ZNF451: variants seen among roughly 807,000 people sequenced by gnomAD.
The protein encoded by ZNF451 is E3 SUMO-protein ligase ZNF451.
Under a neutral mutation model 107.1 loss-of-function variants are expected in ZNF451, and 80 were observed. The observed-to-expected ratio is 0.75, with a 90% CI of 0.62 to 0.90. The LOEUF is 0.90. ZNF451 is among the 40% of genes least tolerant of loss of function. ZNF451 has a pLI of 0.00. For synonymous variants in ZNF451, 362 were observed against 406.5 expected (o/e 0.89, Z 1.32); for missense variants, 1,107 against 1,236.2 (o/e 0.90, Z 1.57).
chr6:57,107,571 C>T (rs555413850), intron 3 of ZNF451: 1 of 985,076 alleles, frequency 1.0e-6, no homozygotes, highest in Admixed American at 6.1e-5. Flanking sequence ...AATTTTGAAG[C>T]CCATCCCCAT....
At chr6:57,158,360 CTT>C (rs397974998) in intron 13 of ZNF451, among the ~76,000 whole-genome samples, 2 of 141,916 alleles carry the variant, frequency 1.4e-5, no homozygotes, top group East Asian at 2.0e-4. Flanking sequence ...GAAGAATGCG[CTT>C]TTTTTTTTTT....
chr6:57,160,472 T>G (rs1488390538), intron 13 of ZNF451, among the ~76,000 whole-genome samples: 1 of 152,152 alleles, frequency 6.6e-6, no homozygotes, highest in African/African-American at 2.4e-5. Context: ...TAGCTGGGAC[T>G]ATAGGTGCGC....
chr6:57,161,840 G>A (rs541656895), intron 14 of ZNF451, among the ~76,000 whole-genome samples: 5 of 152,172 alleles, frequency 3.3e-5, no homozygotes, highest in East Asian at 1.9e-4. Flanking sequence ...TATTACAGGC[G>A]TGTGCCACTA....
intron 4 of ZNF451, among the ~76,000 whole-genome samples, chr6:57,127,739 TA>T (rs1830996673): frequency 6.6e-6 from 1 of 152,200 alleles, no homozygotes; most frequent in Non-Finnish European, 1.5e-5. Flanking sequence ...CAATAATACC[TA>T]AAATCTAAAG....
intron 13 of ZNF451, among the ~76,000 whole-genome samples, chr6:57,157,361 T>G (rs1318658063): frequency 1.3e-5 from 2 of 152,202 alleles, no homozygotes; most frequent in African/African-American, 4.8e-5. Flanking sequence ...CCAGAGGTAC[T>G]TATTTCAGTA....
rs1167934774 is a variant in ZNF451 at position 57,142,106 on chromosome 6, G to T, written c.1004+11G>T. 1.3e-6 allele frequency: 2 copies of T among 1,595,242 alleles called. No homozygotes were observed. Among genetic ancestry groups the T allele is most frequent in the Admixed American group, 1.7e-5 (1 of 59,570 alleles). Reference sequence around the variant, plus strand: ...CACTGCCCATTTCAGGTTTGTATTGGTCTGGAGCTGTAAAGGAATACGGAT... The same window carrying T: ...CACTGCCCATTTCAGGTTTGTATTGTTCTGGAGCTGTAAAGGAATACGGAT... On this transcript the variant is annotated intron_variant, in intron 9 of 14. Transcript: ENST00000370706.
chr6:57,095,885 G>A (rs1033146120), intron 2 of ZNF451, among the ~76,000 whole-genome samples: 1 of 150,570 alleles, frequency 6.6e-6, no homozygotes, highest in Non-Finnish European at 1.5e-5. Flanking sequence ...GTGCACTGGC[G>A]TGATCTCAGC....
intron 13 of ZNF451, among the ~76,000 whole-genome samples, chr6:57,157,674 A>G (rs1763492169): frequency 6.6e-6 from 1 of 152,106 alleles, no homozygotes; most frequent in Non-Finnish European, 1.5e-5. Flanking sequence ...CATCATTTCT[A>G]TTTTATATTG....
intron 3 of ZNF451, chr6:57,102,164 C>G: frequency 1.4e-6 from 2 of 1,443,642 alleles, no homozygotes; most frequent in Middle Eastern, 2.2e-4. Context: ...CCTCCTTGTA[C>G]AAATAGGATC....
Position 57,148,458 on chromosome 6 carries a change from TG to T in ZNF451, c.2375del (p.Gly792AlafsTer53). Reference protein sequence around the residue: ...EEEQQYVIKCGTCTKAFHDPE... With the variant: ...EEEQQYVIKCXTCTKAFHDPE... ...AGGAGCAGCAGTATGTAATCAAGTG[TG>T]GCACCTGCACCAAAGCATTTCATGA... is the stretch of plus-strand genomic sequence containing the variant. On this transcript the variant is annotated frameshift_variant, in exon 10 of 15. Transcript: ENST00000370706. LOFTEE classifies it high-confidence loss of function. The T allele has an allele frequency of 3.7e-6, 6 of 1,614,040 alleles. No individual in the cohort carries two copies. Among genetic ancestry groups the T allele is most frequent in the Non-Finnish European group, 5.1e-6 (6 of 1,179,972 alleles).
intron 3 of ZNF451, chr6:57,107,301 A>T: frequency 1.0e-6 from 1 of 985,076 alleles, no homozygotes; most frequent in Non-Finnish European, 1.2e-6. Flanking sequence ...ATCAGTGTAT[A>T]CTAGACAGGA....
chr6:57,103,036 C>A, intron 3 of ZNF451: 1 of 985,404 alleles, frequency 1.0e-6, no homozygotes, highest in Non-Finnish European at 1.2e-6. Context: ...ACATTTAATT[C>A]TTTTGAGCTT....
At position 57,148,487 on chromosome 6, in the gene ZNF451, C is replaced by G; in HGVS notation, c.2402C>G (p.Pro801Arg). The G allele has an allele frequency of 6.2e-7, 1 of 1,614,088 alleles. No homozygotes were observed. The highest frequency in any genetic ancestry group is 8.5e-7 in the Non-Finnish European group (1 of 1,179,986). The change falls in exon 10 of 15, where the codon CCT becomes CGT. Residue 801 changes from proline (P) to arginine (R), a missense_variant. Physicochemically the swap from Pro to Arg is moderately radical, Grantham distance 103. Coordinates refer to ENST00000370706, the MANE Select transcript of ZNF451 (RefSeq NM_001031623.3). ...ACCTGCACCAAAGCATTTCATGATC[C>G]TGAGAGTGCACAGCAGCATTTCCAT... ...CGTCTKAFHD[P>R]ESAQQHFHRK...
chr6:57,119,927 G>C (rs988082493), intron 3 of ZNF451, among the ~76,000 whole-genome samples: 2 of 151,806 alleles, frequency 1.3e-5, no homozygotes, highest in Non-Finnish European at 2.9e-5. Context: ...TGTGAGCTTG[G>C]TTTACATTAG....
rs758737928 is a variant in ZNF451 at position 57,104,149 on chromosome 6, G to C, written c.186+5008G>C. On this transcript the variant is annotated intron_variant, in intron 3 of 14. Transcript: ENST00000370706. ...CTTCTGTAGAAATAGGTCCATGCCA[G>C]TGTTCTCTACAAAGTGTCTTTCAAA... 3.2e-4 allele frequency: 320 copies of C among 984,692 alleles called. 1 individual carries two copies. The highest frequency in any genetic ancestry group is 3.7e-4 in the Non-Finnish European group (310 of 829,592). The allele number at this position is 984,692 out of a possible 1,614,324, so 61.0% of individuals were successfully genotyped here.
intron 14 of ZNF451, 45 bp downstream of exon 14, chr6:57,161,197 A>T: frequency 8.8e-7 from 1 of 1,136,818 alleles, no homozygotes; most frequent in East Asian, 2.8e-5. Flanking sequence ...CTGTATCTGT[A>T]TTTTTTTTTT....
In ZNF451 at chr6:57,107,001, T is replaced by A. The variant is rs527772594; in HGVS notation, c.186+7860T>A. The stretch of plus-strand genomic sequence containing the variant: ...GAATATTGTTTTATTAAATCTTCTC[T>A]TATTAGTGGAATATTTTTTACTTCT... On this transcript the variant is annotated intron_variant, in intron 3 of 14. Transcript: ENST00000370706. 9.9e-5 allele frequency: 92 copies of A among 931,582 alleles called. No homozygotes were observed. The African/African-American group carries it at 1.5e-3, about 15-fold the overall frequency. 57.7% of individuals were successfully genotyped at this position (931,582 alleles called of 1,614,324 possible).
chr6:57,109,414 A>G (rs1830013551), intron 3 of ZNF451: 4 of 985,336 alleles, frequency 4.1e-6, no homozygotes, highest in Admixed American at 6.1e-5. Flanking sequence ...CAGCATTAGC[A>G]AGTCACTTGT....
intron 5 of ZNF451, among the ~76,000 whole-genome samples, chr6:57,129,621 G>C (rs967539591): frequency 6.6e-6 from 1 of 152,124 alleles, no homozygotes; most frequent in Non-Finnish European, 1.5e-5. Flanking sequence ...GCTTTGCTTT[G>C]AATGGAATCA....
Sources: allele counts gnomAD v4.1 joint callset (sites outside exome capture counted in the v4.1 genomes callset), GRCh38; gene constraint gnomAD v4.1.1; transcripts MANE v1.5; gene names NCBI Gene and HGNC (gene_info 2026-07-23, HGNC 2026-07-21).